Variants in RXFP1 observed in about 807,000 individuals in gnomAD.
The protein encoded by RXFP1 is relaxin family peptide receptor 1, also known as relaxin receptor 1.
In RXFP1, 73 loss-of-function variants were observed where a neutral mutation model predicts 89.8. The observed-to-expected ratio is 0.81, with a 90% CI of 0.67 to 0.99. RXFP1 has a LOEUF of 0.99. RXFP1 is among the 50% of genes least tolerant of loss of function. The pLI, the probability that RXFP1 is intolerant of heterozygous loss-of-function variation, is 0.00. For missense variants in RXFP1, 793 were observed against 895.5 expected, an observed-to-expected ratio of 0.89 and a Z score of 1.46; for synonymous variants, 277 against 305.5, an observed-to-expected ratio of 0.91 and a Z score of 0.97.
intron 1 of RXFP1, among the ~76,000 whole-genome samples, chr4:158,567,300 A>G (rs990264676): frequency 1.3e-5 from 2 of 152,190 alleles, no homozygotes; most frequent in African/African-American, 2.4e-5. Flanking sequence ...CACGGCCGGG[A>G]CTGGCAGGCA....
intron 9 of RXFP1, among the ~76,000 whole-genome samples, chr4:158,619,245 AGAT>A (rs1443172934): frequency 6.6e-6 from 1 of 152,202 alleles, no homozygotes; most frequent in Non-Finnish European, 1.5e-5. Context: ...ATACTGATTA[AGAT>A]ATAGAAAGCC....
intron 6 of RXFP1, 65 bp from the exon 7 acceptor site, chr4:158,612,065 T>C: frequency 1.5e-6 from 2 of 1,318,916 alleles, no homozygotes; most frequent in Non-Finnish European, 2.1e-6. Context: ...ATTATTGTTT[T>C]TACTTTTCTT....
chr4:158,621,423 C>G (rs1359525023), intron 9 of RXFP1, among the ~76,000 whole-genome samples: 1 of 152,096 alleles, frequency 6.6e-6, no homozygotes, highest in African/African-American at 2.4e-5. Flanking sequence ...TAAAGAGAGG[C>G]AGAGGAGCAG....
intron 2 of RXFP1, among the ~76,000 whole-genome samples, chr4:158,579,784 A>T (rs1015215089): frequency 6.6e-5 from 10 of 152,344 alleles, no homozygotes; most frequent in African/African-American, 2.4e-4. Context: ...TCTTACGCAT[A>T]ATTGTATGTG....
At chr4:158,587,389 A>G (rs1420599740) in intron 2 of RXFP1, among the ~76,000 whole-genome samples, 1 of 152,236 alleles carries the variant, frequency 6.6e-6, no homozygotes, top group African/African-American at 2.4e-5. Flanking sequence ...TTGATTTGCA[A>G]TACTTTCATT....
intron 5 of RXFP1, chr4:158,607,023 T>C (rs1418181059): frequency 1.3e-6 from 2 of 1,489,096 alleles, no homozygotes; most frequent in Non-Finnish European, 1.8e-6. Context: ...CTAAAAGTTA[T>C]AACAAATTGC....
intron 11 of RXFP1, among the ~76,000 whole-genome samples, chr4:158,629,482 A>G (rs1196144040): frequency 6.6e-6 from 1 of 152,214 alleles, no homozygotes; most frequent in African/African-American, 2.4e-5. Context: ...AGGGCACTAT[A>G]ACAATTCTAT....
At chr4:158,626,703 A>G in intron 9 of RXFP1, 117 bp from the exon 10 acceptor site, 1 of 565,308 alleles carries the variant, frequency 1.8e-6, no homozygotes, top group East Asian at 3.5e-5. Context: ...GTGAGAGTCT[A>G]TATGAAATAA....
rs1772929371 is a variant in RXFP1 at position 158,652,572 on chromosome 4, A to G, written c.*517A>G. ...CATAGAAAATGTCTGACTGTTTGCA[A>G]AATAATATTCTGTTTTAAGAATCCA... is the stretch of plus-strand genomic sequence containing the variant. On this transcript the variant is annotated 3_prime_UTR_variant, in exon 18 of 18. Transcript: ENST00000307765. The G allele has an allele frequency of 6.6e-6, 1 of 152,262 alleles. No individual in the cohort carries two copies. Among genetic ancestry groups the G allele is most frequent in the South Asian group, 2.1e-4 (1 of 4,834 alleles). 9.4% of individuals were successfully genotyped at this position (152,262 alleles called of 1,614,324 possible).
intron 12 of RXFP1, among the ~76,000 whole-genome samples, chr4:158,633,996 A>G (rs898935806): frequency 6.6e-6 from 1 of 152,198 alleles, no homozygotes; most frequent in Admixed American, 6.5e-5. Context: ...ATGGGCGTAC[A>G]AATATCTGTT....
intron 4 of RXFP1, among the ~76,000 whole-genome samples, chr4:158,604,191 A>T (rs1762184254): frequency 6.6e-6 from 1 of 152,080 alleles, no homozygotes. Context: ...AAACTGTCTT[A>T]ACCTGAGTTA....
chr4:158,565,639 G>T lies in RXFP1; in HGVS notation c.50-7059G>T, dbSNP rs530181757. Among the ~76,000 whole-genome samples, 17 of 152,298 alleles carry T rather than the reference G, an allele frequency of 1.1e-4. No homozygotes were observed. In the South Asian group the frequency reaches 2.7e-3, roughly 24 times the overall value. ...AAGACACCAAAGCTAGGTTAAAAGA[G>T]TTCCTACTGGTCCAATTTGAGACAA... On this transcript the variant is annotated intron_variant, in intron 1 of 17. Transcript: ENST00000307765.
chr4:158,642,170 C>G (rs527977796), intron 14 of RXFP1, among the ~76,000 whole-genome samples: 68 of 151,756 alleles, frequency 4.5e-4, no homozygotes, highest in African/African-American at 1.6e-3. Context: ...TATTAATTGA[C>G]AAATAATAAT....
intron 6 of RXFP1, among the ~76,000 whole-genome samples, chr4:158,609,413 A>C (rs181584651): frequency 2.0e-5 from 3 of 152,350 alleles, no homozygotes; most frequent in East Asian, 1.9e-4. Context: ...TCTTTTAAAA[A>C]AAAAGGCTTT....
intron 9 of RXFP1, among the ~76,000 whole-genome samples, chr4:158,622,327 T>G (rs948316432): frequency 6.6e-6 from 1 of 151,672 alleles, no homozygotes; most frequent in Non-Finnish European, 1.5e-5. Flanking sequence ...AAAAAAAAAT[T>G]AAAAATAGAA....
intron 1 of RXFP1, among the ~76,000 whole-genome samples, chr4:158,544,763 A>C (rs1747796290): frequency 1.3e-5 from 2 of 152,074 alleles, no homozygotes; most frequent in Admixed American, 1.3e-4. Context: ...CATGTCCCTA[A>C]AAAGGACATG....
chr4:158,565,753 T>C (rs552899432), intron 1 of RXFP1, among the ~76,000 whole-genome samples: 75 of 152,258 alleles, frequency 4.9e-4, no homozygotes, highest in African/African-American at 1.7e-3. Flanking sequence ...TAGAAATAAG[T>C]AAATGAATAA....
At chr4:158,612,696 C>T (rs982841986) in intron 8 of RXFP1, among the ~76,000 whole-genome samples, 11 of 151,940 alleles carry the variant, frequency 7.2e-5, no homozygotes, top group African/African-American at 1.5e-4. Context: ...CCACAACCCC[C>T]GCCTCCTGGG....
chr4:158,544,380 C>A, intron 1 of RXFP1: 1 of 984,158 alleles, frequency 1.0e-6, no homozygotes, highest in Non-Finnish European at 1.2e-6. Flanking sequence ...GGACAGATCA[C>A]CCAGAATGGA....
Sources: gnomAD v4.1 joint callset for allele counts (sites outside exome capture counted in the v4.1 genomes callset) on GRCh38, gnomAD v4.1.1 for gene constraint, MANE v1.5 for transcripts, NCBI Gene and HGNC (gene_info 2026-07-23, HGNC 2026-07-21) for gene names.